RASGEF1A: variants seen among roughly 807,000 people sequenced by gnomAD.
The protein encoded by RASGEF1A is ras-GEF domain-containing family member 1A.
In RASGEF1A, 18 loss-of-function variants were observed where a neutral mutation model predicts 56.4. The ratio of observed to expected loss-of-function variants is 0.32; its 90% CI spans 0.22 to 0.47. The LOEUF is 0.47. Ranked by LOEUF, RASGEF1A falls within the 20% of genes least tolerant of loss-of-function variation. The probability of loss-of-function intolerance (pLI) is 1.00; values close to 1 mark genes in which losing one functional copy is unlikely to be tolerated. For missense variants in RASGEF1A, 422 were observed against 627.1 expected (o/e 0.67, Z 3.49); for synonymous variants, 245 against 242.6 (o/e 1.01, Z -0.09).
rs909295335 is a variant in RASGEF1A at position 43,243,959 on chromosome 10, G to A, written c.-7+22886C>T. On this transcript the variant is annotated intron_variant, in intron 1 of 12. Transcript: ENST00000395810. Reference sequence around the variant, plus strand: ...GTTGAAAAGAAAAGGGGGAAATGTGGGGAAAAGAAAGAGAGATCAGATTGT... The same window carrying A: ...GTTGAAAAGAAAAGGGGGAAATGTGAGGAAAAGAAAGAGAGATCAGATTGT... 7.9e-5 allele frequency among the ~76,000 whole-genome samples: 12 copies of A among 152,258 alleles called. No individual in the cohort carries two copies. The South Asian group carries it at 2.3e-3, about 29-fold the overall frequency.
intron 1 of RASGEF1A, among the ~76,000 whole-genome samples, chr10:43,226,868 T>C (rs1840285881): frequency 6.6e-6 from 1 of 152,260 alleles, no homozygotes; most frequent in African/African-American, 2.4e-5. Context: ...TTGTGGCCTA[T>C]GCCACACACT....
chr10:43,249,610 T>G (rs779544189), intron 1 of RASGEF1A, among the ~76,000 whole-genome samples: 20 of 152,190 alleles, frequency 1.3e-4, no homozygotes, highest in African/African-American at 4.8e-4. Flanking sequence ...ACTGCCAAGA[T>G]GGGACTGAAA....
At position 43,196,377 on chromosome 10, in the gene RASGEF1A, C is replaced by T. The variant is rs907964970; in HGVS notation, c.1421+99G>A. The T allele has an allele frequency of 1.2e-4, 181 of 1,552,990 alleles. 1 individual carries two copies. The highest frequency in any genetic ancestry group is 1.7e-4 in the Middle Eastern group (1 of 5,946). On this transcript the variant is annotated intron_variant, in intron 12 of 12. Coordinates refer to ENST00000395810, the MANE Select transcript of RASGEF1A (RefSeq NM_145313.4). This position sits in a 1 kb window ranked among gnomAD's most constrained non-coding sequence, Gnocchi z 4.6. ...CACCAGGGACCCTGGACCAGGGACGCGGCAGTGCCCAGGCTCCCTTTCCAG... is the reference window on the plus strand; with the variant it reads ...CACCAGGGACCCTGGACCAGGGACGTGGCAGTGCCCAGGCTCCCTTTCCAG...
intron 9 of RASGEF1A, 114 bp from the exon 10 acceptor site, chr10:43,198,309 G>A (rs1839834032): frequency 1.0e-6 from 1 of 960,654 alleles, no homozygotes; most frequent in African/African-American, 1.7e-5. Flanking sequence ...CTGGCCCCTG[G>A]GCAGCCTGGG....
rs142497621 is a variant in RASGEF1A at position 43,198,784 on chromosome 10, G to A, written c.1032+149C>T. The A allele has an allele frequency of 7.5e-3, 5,601 of 749,666 alleles. 26 individuals carry two copies. Among genetic ancestry groups the A allele is most frequent in the Non-Finnish European group, 0.01 (4,426 of 431,698 alleles). The allele number at this position is 749,666 out of a possible 1,614,324, so 46.4% of individuals were successfully genotyped here. On this transcript the variant is annotated intron_variant, in intron 9 of 12. Coordinates refer to ENST00000395810, the MANE Select transcript of RASGEF1A (RefSeq NM_145313.4). ...ACTTAAGTCCCCACTGCTGGAGGAC[G>A]AACATGCCAGGCCAGCTCAGCCAGC...
At chr10:43,222,433 G>T (rs1382821070) in intron 1 of RASGEF1A, among the ~76,000 whole-genome samples, 1 of 152,162 alleles carries the variant, frequency 6.6e-6, no homozygotes. Context: ...CAAGAGAGAG[G>T]CTGAAGGTTG....
At chr10:43,232,402 C>CAAATGCT (rs1840382328) in intron 1 of RASGEF1A, among the ~76,000 whole-genome samples, 1 of 151,862 alleles carries the variant, frequency 6.6e-6, no homozygotes, top group East Asian at 1.9e-4. Context: ...TTCCCAGAAG[C>CAAATGCT]AAATGCTGCC....
chr10:43,263,403 A>G (rs765185240), intron 1 of RASGEF1A, among the ~76,000 whole-genome samples: 22 of 152,198 alleles, frequency 1.4e-4, no homozygotes, highest in Non-Finnish European at 2.8e-4. Flanking sequence ...GTCAGCCCGC[A>G]CAGGCGACCA....
intron 1 of RASGEF1A, among the ~76,000 whole-genome samples, chr10:43,242,684 C>T (rs910297946): frequency 9.2e-5 from 14 of 152,170 alleles, no homozygotes; most frequent in Non-Finnish European, 8.8e-5. Flanking sequence ...AGGCACGCGC[C>T]GCCACTCTTG....
intron 1 of RASGEF1A, among the ~76,000 whole-genome samples, chr10:43,265,088 C>T (rs542406122): frequency 3.3e-5 from 5 of 152,242 alleles, no homozygotes; most frequent in East Asian, 3.9e-4. Context: ...CCACTGTGTG[C>T]GTGGCTCTCC....
chr10:43,248,129 G>T (rs1840587300), intron 1 of RASGEF1A, among the ~76,000 whole-genome samples: 1 of 151,436 alleles, frequency 6.6e-6, no homozygotes, highest in Admixed American at 6.6e-5. Context: ...GCTGAGGCGG[G>T]TGGATCACTT....
chr10:43,211,310 G>A (rs1840065982), intron 1 of RASGEF1A, among the ~76,000 whole-genome samples: 1 of 152,162 alleles, frequency 6.6e-6, no homozygotes, highest in Non-Finnish European at 1.5e-5. Context: ...CACCATTCGA[G>A]AAGGGGGTCC....
intron 1 of RASGEF1A, among the ~76,000 whole-genome samples, chr10:43,257,463 T>C (rs889209244): frequency 4.6e-5 from 7 of 152,182 alleles, no homozygotes; most frequent in African/African-American, 1.7e-4. Context: ...ATTCTGGGAC[T>C]GGGCCTGCCT....
At position 43,200,214 on chromosome 10, in the gene RASGEF1A, C is replaced by T. The variant is rs77077330; in HGVS notation, c.724G>A (p.Val242Ile). Residue 242 changes from valine (V) to isoleucine (I), a missense_variant, in exon 6 of 13, where the codon GTC (valine) becomes ATC (isoleucine). Physicochemically the swap from Val to Ile is conservative, Grantham distance 29 (BLOSUM62 3). Transcript: ENST00000395810. ...SIYPEDLMQI[V>I]SHMDSLDNHR... Reference sequence around the variant, plus strand: ...TTGTCCAAGGAGTCCATGTGGCTGACGATCTGCATCAAGTCCTCAGGGTAA... The same window carrying T: ...TTGTCCAAGGAGTCCATGTGGCTGATGATCTGCATCAAGTCCTCAGGGTAA... The T allele has an allele frequency of 3.0e-5, 48 of 1,606,590 alleles. No individual in the cohort carries two copies. In the East Asian group the frequency reaches 5.6e-4, roughly 19 times the overall value.
chr10:43,212,754 G>A (rs1588934760), intron 1 of RASGEF1A, among the ~76,000 whole-genome samples: 1 of 152,362 alleles, frequency 6.6e-6, no homozygotes, highest in East Asian at 1.9e-4. Context: ...ACCTTTTCCA[G>A]TGGGTACGTT....
intron 1 of RASGEF1A, among the ~76,000 whole-genome samples, chr10:43,250,079 T>C (rs1173105146): frequency 1.3e-5 from 2 of 152,232 alleles, no homozygotes; most frequent in East Asian, 3.9e-4. Context: ...TTCACCTTTC[T>C]GAACTTCAGT....
At chr10:43,243,486 C>G (rs1484212577) in intron 1 of RASGEF1A, among the ~76,000 whole-genome samples, 1 of 150,270 alleles carries the variant, frequency 6.7e-6, no homozygotes, top group African/African-American at 2.5e-5. Context: ...CCGGCCGCCA[C>G]CCCATCTGGG....
chr10:43,261,058 C>A (rs1389257012), intron 1 of RASGEF1A, among the ~76,000 whole-genome samples: 1 of 152,040 alleles, frequency 6.6e-6, no homozygotes, highest in East Asian at 1.9e-4. Context: ...GTGACCGCAG[C>A]TGTGGGTCTC....
At chr10:43,214,833 G>A (rs550927504) in intron 1 of RASGEF1A, among the ~76,000 whole-genome samples, 2 of 152,268 alleles carry the variant, frequency 1.3e-5, no homozygotes, top group East Asian at 3.9e-4. Context: ...CTGTGTGCTG[G>A]CCATTCCATG....
Sources: gnomAD v4.1 joint callset for allele counts (sites outside exome capture counted in the v4.1 genomes callset) on GRCh38, gnomAD v4.1.1 for gene constraint, Gnocchi (gnomAD v3.1) non-coding constraint, MANE v1.5 for transcripts, NCBI Gene and HGNC (gene_info 2026-07-23, HGNC 2026-07-21) for gene names.